Variants in ADGRE1 observed in about 807,000 individuals in gnomAD.
The protein encoded by ADGRE1 is EGF-like module receptor 1.
Under a neutral mutation model 102.7 loss-of-function variants are expected in ADGRE1, and 82 were observed. That is an observed-to-expected ratio of 0.80 (90% CI 0.67 to 0.96). ADGRE1 has a LOEUF of 0.96. ADGRE1 is among the 40% of genes least tolerant of loss of function. The probability of loss-of-function intolerance (pLI) is 0.00; values close to 1 mark genes in which losing one functional copy is unlikely to be tolerated. For missense variants in ADGRE1, 1,032 were observed against 1,085.3 expected (o/e 0.95, Z 0.69); for synonymous variants, 398 against 399.6 (o/e 1.00, Z 0.05).
chr19:6,931,656 C>A (rs542320013), intron 17 of ADGRE1, among the ~76,000 whole-genome samples: 1 of 152,176 alleles, frequency 6.6e-6, no homozygotes, highest in African/African-American at 2.4e-5. Context: ...AAAAATGAGC[C>A]AGGCGTGGTG....
intron 14 of ADGRE1, 88 bp downstream of exon 14, chr19:6,921,971 C>T (rs1042701216): frequency 1.9e-5 from 27 of 1,457,872 alleles, no homozygotes; most frequent in Non-Finnish European, 2.2e-5. Context: ...TTGTGTGTCT[C>T]CCATGGGGTT....
intron 18 of ADGRE1, among the ~76,000 whole-genome samples, chr19:6,935,347 C>A (rs1975357384): frequency 6.6e-6 from 1 of 152,080 alleles, no homozygotes; most frequent in Non-Finnish European, 1.5e-5. Context: ...ATTTTAGGTG[C>A]CTTACAAAGC....
chr19:6,888,335 C>T (rs1399439183), intron 1 of ADGRE1, among the ~76,000 whole-genome samples: 5 of 152,186 alleles, frequency 3.3e-5, no homozygotes, highest in Non-Finnish European at 1.5e-5. Flanking sequence ...TGAGGAGGGG[C>T]AGTTCGAGCT....
chr19:6,911,385 G>GTTCTTTTTTTTTTTTT (rs1974169581), intron 10 of ADGRE1, among the ~76,000 whole-genome samples: 1 of 79,844 alleles, frequency 1.3e-5, no homozygotes, highest in Non-Finnish European at 2.3e-5. Context: ...ATTCCTTTTA[G>GTTCTTTTTTTTTTTTT]TTTTTTTTTT....
At chr19:6,933,218 T>A (rs1975240260) in intron 17 of ADGRE1, among the ~76,000 whole-genome samples, 1 of 152,102 alleles carries the variant, frequency 6.6e-6, no homozygotes, top group Non-Finnish European at 1.5e-5. Context: ...CGAGACTCCG[T>A]CTCAATAATA....
At chr19:6,933,584 T>C (rs12461204) in intron 17 of ADGRE1, among the ~76,000 whole-genome samples, 79,336 of 151,734 alleles carry the variant, frequency 0.52, 22,672 homozygotes, top group African/African-American at 0.75. Context: ...ATGGGGTTTC[T>C]CCATGTTGGT....
At chr19:6,893,070 G>T (rs1024302782) in intron 2 of ADGRE1, among the ~76,000 whole-genome samples, 1 of 152,022 alleles carries the variant, frequency 6.6e-6, no homozygotes, top group South Asian at 2.1e-4. Context: ...TAGCTCCCAC[G>T]TAGGAACGAG....
At chr19:6,925,204 C>T (rs918355602) in intron 15 of ADGRE1, among the ~76,000 whole-genome samples, 1 of 152,152 alleles carries the variant, frequency 6.6e-6, no homozygotes, top group Admixed American at 6.5e-5. Flanking sequence ...TCACTGCAAC[C>T]CCTGCCTCTT....
chr19:6,888,047 A>G (rs1460200739), intron 1 of ADGRE1, among the ~76,000 whole-genome samples: 1 of 152,200 alleles, frequency 6.6e-6, no homozygotes, highest in Non-Finnish European at 1.5e-5. Context: ...AATTGTCACA[A>G]CATTTCTATG....
chr19:6,936,996 G>T (rs1338444438), intron 18 of ADGRE1, among the ~76,000 whole-genome samples: 3 of 152,120 alleles, frequency 2.0e-5, no homozygotes, highest in African/African-American at 7.2e-5. Context: ...GTCCTCAGGT[G>T]ACCTGCCCAC....
Position 6,926,583 on chromosome 19 carries a change from G to A in ADGRE1, c.2204G>A (p.Gly735Asp). The A allele has an allele frequency of 6.2e-7, 1 of 1,614,214 alleles. No homozygotes were observed. The change falls in exon 16 of 21, where the codon GGC (glycine) becomes GAC (aspartate). Residue 735 changes from glycine (G) to aspartate (D), a missense_variant. Gly to Asp is a moderately conservative substitution (Grantham distance 94, BLOSUM62 -1). Transcript: ENST00000312053. ...VVISASVQPQ[G>D]YGMHNRCWLN... Reference sequence around the variant, plus strand: ...ATCTCTGCCAGTGTGCAGCCACAGGGCTATGGAATGCATAATCGGTGAGTG... The same window carrying A: ...ATCTCTGCCAGTGTGCAGCCACAGGACTATGGAATGCATAATCGGTGAGTG...
At chr19:6,920,605 C>A (rs981302154) in intron 13 of ADGRE1, among the ~76,000 whole-genome samples, 4 of 140,652 alleles carry the variant, frequency 2.8e-5, no homozygotes, top group African/African-American at 1.1e-4. Context: ...CTCACTGCAA[C>A]CCTCACCTCC....
Position 6,924,790 on chromosome 19 carries a change from C to T in ADGRE1, c.1904C>T (p.Thr635Ile). ...TGTCGCTCCATCCGAAATCACAACA[C>T]CTACCTCCACCTGCACCTCTGCGTG... ...LLCRSIRNHN[T>I]YLHLHLCVCL... Residue 635 changes from threonine (T) to isoleucine (I), a missense_variant, in exon 15 of 21, where the codon ACC becomes ATC. Physicochemically the swap from Thr to Ile is moderately conservative, Grantham distance 89. Transcript: ENST00000312053. 1 of 1,614,166 alleles carries T rather than the reference C, an allele frequency of 6.2e-7. No individual in the cohort carries two copies. The highest frequency in any genetic ancestry group is 1.1e-5 in the South Asian group (1 of 91,084).
At chr19:6,909,658 A>G (rs56289819) in intron 10 of ADGRE1, among the ~76,000 whole-genome samples, 95,696 of 151,972 alleles carry the variant, frequency 0.63, 31,953 homozygotes, top group Non-Finnish European at 0.75. Flanking sequence ...TATCCATCTC[A>G]AGAACTTTCT....
intron 18 of ADGRE1, among the ~76,000 whole-genome samples, chr19:6,936,436 C>A (rs1234878953): frequency 1.8e-3 from 237 of 134,466 alleles, no homozygotes; most frequent in South Asian, 2.7e-3. Context: ...ACTCCATCTC[C>A]AAAAAAAAAA....
chr19:6,897,142 T>C lies in ADGRE1; in HGVS notation c.239-7T>C, dbSNP rs1213537479. ...AAGTAAATTTGTAACTCCAATTCTC[T>C]GTCTAGATATTGATGAATGTTCTCA... On this transcript the variant is annotated splice_polypyrimidine_tract_variant and splice_region_variant and intron_variant, in intron 3 of 20. Transcript: ENST00000312053. 1 of 1,607,382 alleles carries C rather than the reference T, an allele frequency of 6.2e-7. No individual in the cohort carries two copies. Among genetic ancestry groups the C allele is most frequent in the Non-Finnish European group, 8.5e-7 (1 of 1,176,992 alleles).
At chr19:6,923,562 CT>C (rs746042755) in intron 14 of ADGRE1, among the ~76,000 whole-genome samples, 16 of 151,992 alleles carry the variant, frequency 1.1e-4, no homozygotes, top group Non-Finnish European at 2.1e-4. Flanking sequence ...CTGAGTTTCA[CT>C]CTTGTTGCCC....
At chr19:6,929,665 G>A (rs1011581534) in intron 17 of ADGRE1, among the ~76,000 whole-genome samples, 2 of 151,842 alleles carry the variant, frequency 1.3e-5, no homozygotes, top group Non-Finnish European at 2.9e-5. Context: ...TGGGATTACA[G>A]GCACGCACCA....
At chr19:6,908,316 G>A (rs756741270) in intron 9 of ADGRE1, among the ~76,000 whole-genome samples, 33 of 152,088 alleles carry the variant, frequency 2.2e-4, no homozygotes, top group Non-Finnish European at 1.0e-4. Flanking sequence ...GGTAAACCTC[G>A]TTCAAGGCTC....
Sources: allele counts gnomAD v4.1 joint callset (sites outside exome capture counted in the v4.1 genomes callset), GRCh38; gene constraint gnomAD v4.1.1; transcripts MANE v1.5; gene names NCBI Gene and HGNC (gene_info 2026-07-23, HGNC 2026-07-21).